EIF4G3: variants seen among roughly 807,000 people sequenced by gnomAD.
EIF4G3 encodes eIF-4-gamma 3.
Under a neutral mutation model 186.4 loss-of-function variants are expected in EIF4G3, and 34 were observed. That is an observed-to-expected ratio of 0.18 (90% CI 0.14 to 0.24). The LOEUF is 0.24. Ranked by LOEUF, EIF4G3 falls within the 10% of genes least tolerant of loss-of-function variation. EIF4G3 has a pLI of 1.00. For synonymous variants in EIF4G3, 673 were observed against 679.5 expected (o/e 0.99, Z 0.15); for missense variants, 1,536 against 1,948.5 (o/e 0.79, Z 3.99).
intron 4 of EIF4G3, among the ~76,000 whole-genome samples, chr1:21,030,756 A>C (rs2092665178): frequency 6.6e-6 from 1 of 152,254 alleles, no homozygotes; most frequent in African/African-American, 2.4e-5. Context: ...ATTTGCAGAA[A>C]CTATGTTTCA....
intron 20 of EIF4G3, among the ~76,000 whole-genome samples, chr1:20,865,893 A>G (rs2077454773): frequency 7.4e-6 from 1 of 135,018 alleles, no homozygotes; most frequent in African/African-American, 2.6e-5. Flanking sequence ...CAAGGTTTCC[A>G]TCCAAATCCA....
chr1:20,807,718 T>A (rs548954027), intron 36 of EIF4G3, among the ~76,000 whole-genome samples: 1 of 152,068 alleles, frequency 6.6e-6, no homozygotes, highest in Non-Finnish European at 1.5e-5. Context: ...AATTCTTTTT[T>A]ATTCCTATTA....
At chr1:21,101,588 ACCG>A (rs1557966966) in intron 2 of EIF4G3, among the ~76,000 whole-genome samples, 13 of 112,782 alleles carry the variant, frequency 1.2e-4, no homozygotes, top group Non-Finnish European at 1.8e-4. Flanking sequence ...ACAAAAAAAA[ACCG>A]AGGGAGGGAG....
At chr1:21,118,597 C>A (rs2096869947) in intron 2 of EIF4G3, among the ~76,000 whole-genome samples, 2 of 151,978 alleles carry the variant, frequency 1.3e-5, no homozygotes, top group Admixed American at 1.3e-4. Context: ...ACCAGCCTAG[C>A]CAACATGGTG....
At chr1:20,890,419 G>A (rs976977493) in intron 18 of EIF4G3, among the ~76,000 whole-genome samples, 4 of 152,046 alleles carry the variant, frequency 2.6e-5, no homozygotes, top group African/African-American at 9.7e-5. Flanking sequence ...GAGTAGGGCT[G>A]TTGCTTTTTT....
chr1:20,842,004 A>T (rs878899980), intron 29 of EIF4G3, among the ~76,000 whole-genome samples: 1 of 151,734 alleles, frequency 6.6e-6, no homozygotes, highest in South Asian at 2.1e-4. Context: ...TCCTTTATTT[A>T]ATACCTCCCT....
At chr1:20,979,287 A>AT (rs2077483938) in intron 10 of EIF4G3, among the ~76,000 whole-genome samples, 1 of 152,172 alleles carries the variant, frequency 6.6e-6, no homozygotes, top group Admixed American at 6.5e-5. Flanking sequence ...TTTTCAAGGC[A>AT]TTTTCATTGG....
chr1:21,090,759 G>C (rs773095393), intron 2 of EIF4G3, among the ~76,000 whole-genome samples: 1 of 152,096 alleles, frequency 6.6e-6, no homozygotes, highest in African/African-American at 2.4e-5. Context: ...CTGCTCTAAT[G>C]TTCAGCATAA....
At chr1:21,167,716 A>G (rs2097881576) in intron 2 of EIF4G3, among the ~76,000 whole-genome samples, 1 of 152,136 alleles carries the variant, frequency 6.6e-6, no homozygotes, top group Non-Finnish European at 1.5e-5. Flanking sequence ...CAAGATCACA[A>G]CACTGCAATC....
intron 23 of EIF4G3, among the ~76,000 whole-genome samples, chr1:20,860,928 T>G (rs1249525474): frequency 6.6e-6 from 1 of 152,246 alleles, no homozygotes. Context: ...TCTGTGGGAT[T>G]ACTACTCAGA....
chr1:20,877,808 A>G (rs1357771415), intron 20 of EIF4G3, among the ~76,000 whole-genome samples: 1 of 152,344 alleles, frequency 6.6e-6, no homozygotes, highest in African/African-American at 2.4e-5. Context: ...TCATAAAGTT[A>G]GGAAGTGGCA....
chr1:20,910,908 GGCT>G (rs2093087161), intron 14 of EIF4G3, among the ~76,000 whole-genome samples: 1 of 152,164 alleles, frequency 6.6e-6, no homozygotes, highest in Non-Finnish European at 1.5e-5. Context: ...CTAATATGCA[GGCT>G]ACATACTTGA....
In EIF4G3 at chr1:20,807,297, T is replaced by C; in HGVS notation, c.*22A>G. The C allele has an allele frequency of 6.5e-7, 1 of 1,550,250 alleles. No homozygotes were observed. Among genetic ancestry groups the C allele is most frequent in the South Asian group, 1.2e-5 (1 of 83,064 alleles). On this transcript the variant is annotated 3_prime_UTR_variant, in exon 37 of 37. Transcript: ENST00000602326. Reference sequence around the variant, plus strand: ...AAAATACTTAAATTGTTTCTTTTGTTTCATTTTGTGTATTTGAAGTTTTAG... The same window carrying C: ...AAAATACTTAAATTGTTTCTTTTGTCTCATTTTGTGTATTTGAAGTTTTAG...
chr1:20,999,693 T>C (rs1434828933), intron 6 of EIF4G3: 6 of 446,506 alleles, frequency 1.3e-5, no homozygotes, highest in Non-Finnish European at 2.2e-5. Flanking sequence ...CCTAGGAAAG[T>C]ACCCTAGTCT....
intron 2 of EIF4G3, among the ~76,000 whole-genome samples, chr1:21,168,789 C>A (rs12729717): frequency 0.028 from 4,189 of 151,850 alleles, 89 homozygotes; most frequent in Non-Finnish European, 0.038. Context: ...AAACTAGGTA[C>A]ATAATCTGAC....
rs949639532 is a variant in EIF4G3 at position 20,998,989 on chromosome 1, T to C, written c.145-1356A>G. On this transcript the variant is annotated intron_variant, in intron 6 of 36. Coordinates refer to ENST00000602326, the MANE Select transcript of EIF4G3 (RefSeq NM_001391906.1). ...TCTCTCATGCTCAGCATTTAAGTTA[T>C]GTGCAATAGTGATTTGCAAAACATT... 13 of 235,526 alleles carry C rather than the reference T, an allele frequency of 5.5e-5. No individual in the cohort carries two copies. In the Middle Eastern group the frequency reaches 2.3e-3, roughly 42 times the overall value. The allele number at this position is 235,526 out of a possible 1,614,324, so 14.6% of individuals were successfully genotyped here. A position where few individuals can be genotyped will look rare whatever the true frequency, so the allele number is the denominator to read the frequency against.
At chr1:20,966,185 T>A (rs2074609399) in intron 12 of EIF4G3, among the ~76,000 whole-genome samples, 1 of 152,200 alleles carries the variant, frequency 6.6e-6, no homozygotes, top group African/African-American at 2.4e-5. Context: ...AGCAATTATG[T>A]CTAACTCAAA....
At chr1:20,919,637 GAA>G (rs980892037) in intron 14 of EIF4G3, among the ~76,000 whole-genome samples, 29 of 152,204 alleles carry the variant, frequency 1.9e-4, no homozygotes, top group Admixed American at 4.6e-4. Context: ...TTAAGGCAAG[GAA>G]AAGTCTTTTT....
At chr1:21,098,939 A>T (rs951882544) in intron 2 of EIF4G3, among the ~76,000 whole-genome samples, 11 of 152,178 alleles carry the variant, frequency 7.2e-5, no homozygotes, top group Non-Finnish European at 1.3e-4. Context: ...GCCTAGCCTC[A>T]AATGGGGAAA....
Sources: allele counts gnomAD v4.1 joint callset (sites outside exome capture counted in the v4.1 genomes callset), GRCh38; gene constraint gnomAD v4.1.1; transcripts MANE v1.5; gene names NCBI Gene and HGNC (gene_info 2026-07-23, HGNC 2026-07-21).